MTA3: variants seen among roughly 807,000 people sequenced by gnomAD.
MTA3 encodes the protein metastasis-associated protein MTA3.
In MTA3, 34 loss-of-function variants were observed where a neutral mutation model predicts 83.5. That is an observed-to-expected ratio of 0.41 (90% CI 0.31 to 0.54). The LOEUF (loss-of-function observed/expected upper bound fraction) is 0.54. MTA3 is among the 20% of genes least tolerant of loss of function. The pLI is 0.33. For missense variants in MTA3, 761 were observed against 726.4 expected (o/e 1.05, Z -0.55); for synonymous variants, 303 against 252.7 (o/e 1.20, Z -1.89).
upstream of MTA3, among the ~76,000 whole-genome samples, chr2:42,567,617 TG>T: frequency 6.6e-6 from 1 of 151,738 alleles, no homozygotes; most frequent in African/African-American, 2.4e-5. Flanking sequence ...TGTGTTCATT[TG>T]GGGGATCGCC....
intron 4 of MTA3, 137 bp downstream of exon 4, chr2:42,609,721 G>A (rs1185148999): frequency 3.0e-6 from 3 of 997,750 alleles, no homozygotes; most frequent in Admixed American, 2.8e-5. Flanking sequence ...GGAATTTTAG[G>A]TTGGAAATTT....
At chr2:42,546,290 T>A (rs1195001266) in intron 2 of MTA3, among the ~76,000 whole-genome samples, 1 of 151,918 alleles carries the variant, frequency 6.6e-6, no homozygotes, top group African/African-American at 2.4e-5. Flanking sequence ...CCAGGAGAAA[T>A]TAGTGGAGGG....
rs192777694 is a variant in MTA3 at position 42,621,523 on chromosome 2, C to T, written c.317+11939C>T. The stretch of plus-strand genomic sequence containing the variant: ...CAGAACAAAATGGAGTCTCCTATGT[C>T]TACTTCTTTCTACACAGACACAGCA... On this transcript the variant is annotated intron_variant, in intron 4 of 16. Transcript: ENST00000405094. Among the ~76,000 whole-genome samples the T allele has an allele frequency of 1.5e-4, 23 of 152,366 alleles. No individual in the cohort carries two copies. The East Asian group carries it at 4.4e-3, about 29-fold the overall frequency.
intron 2 of MTA3, among the ~76,000 whole-genome samples, chr2:42,519,772 G>A (rs772004580): frequency 4.6e-5 from 7 of 151,808 alleles, no homozygotes; most frequent in Non-Finnish European, 8.8e-5. Context: ...AACCAGGGCC[G>A]GTTACGGTGG....
At chr2:42,597,682 C>CTA (rs1356177655) in intron 3 of MTA3, among the ~76,000 whole-genome samples, 2 of 54,252 alleles carry the variant, frequency 3.7e-5, no homozygotes, top group African/African-American at 2.1e-4. Flanking sequence ...CCTCACCCAC[C>CTA]TGTTTTTTTT....
chr2:42,520,392 C>G (rs1342308660), intron 2 of MTA3, among the ~76,000 whole-genome samples: 1 of 152,156 alleles, frequency 6.6e-6, no homozygotes, highest in Non-Finnish European at 1.5e-5. Context: ...TTGAACTGTA[C>G]CACCATCCAC....
At chr2:42,733,738 A>T (rs548521833) in intron 16 of MTA3, among the ~76,000 whole-genome samples, 2 of 152,042 alleles carry the variant, frequency 1.3e-5, no homozygotes, top group African/African-American at 4.8e-5. Context: ...GACTGAAGCA[A>T]TCCTCCTGAC....
intron 16 of MTA3, among the ~76,000 whole-genome samples, chr2:42,746,174 C>T (rs1006597239): frequency 1.3e-4 from 20 of 152,118 alleles, no homozygotes; most frequent in African/African-American, 4.3e-4. Context: ...GATTTTAATA[C>T]GGTGACACCA....
chr2:42,507,032 G>C (rs534587647), intron 2 of MTA3, among the ~76,000 whole-genome samples: 2 of 152,296 alleles, frequency 1.3e-5, no homozygotes, highest in African/African-American at 4.8e-5. Flanking sequence ...AGCCTCCCGA[G>C]TAGCTGGAGT....
intron 2 of MTA3, among the ~76,000 whole-genome samples, chr2:42,499,703 G>A (rs1439783040): frequency 1.3e-5 from 2 of 151,088 alleles, no homozygotes; most frequent in East Asian, 2.0e-4. Context: ...CAGGAGAATC[G>A]CTTGAACCTG....
chr2:42,605,766 C>G (rs1683244262), intron 3 of MTA3, among the ~76,000 whole-genome samples: 1 of 121,322 alleles, frequency 8.2e-6, no homozygotes, highest in Non-Finnish European at 1.7e-5. Flanking sequence ...CAGAGGGGCT[C>G]CTCACTTCCC....
intron 2 of MTA3, among the ~76,000 whole-genome samples, chr2:42,549,404 T>C (rs1336229054): frequency 1.7e-5 from 2 of 117,030 alleles, no homozygotes; most frequent in Non-Finnish European, 3.2e-5. Flanking sequence ...TATATATACG[T>C]ATATAATATA....
intron 2 of MTA3, among the ~76,000 whole-genome samples, chr2:42,570,738 C>A (rs1039035930): frequency 1.3e-5 from 2 of 151,568 alleles, no homozygotes; most frequent in Non-Finnish European, 2.9e-5. Context: ...TGGCTGGGTG[C>A]GGTGGCTCAT....
intron 16 of MTA3, among the ~76,000 whole-genome samples, chr2:42,733,403 T>C (rs1460600747): frequency 6.6e-6 from 1 of 152,184 alleles, no homozygotes; most frequent in Non-Finnish European, 1.5e-5. Flanking sequence ...ATTACCTCCC[T>C]CTGGGTCCCT....
At chr2:42,745,824 C>CTTTTTTTTTTTTTTTTTTTTTTT (rs146921280) in intron 16 of MTA3, among the ~76,000 whole-genome samples, 1,415 of 118,638 alleles carry the variant, frequency 0.012, 208 homozygotes, top group East Asian at 0.024. Flanking sequence ...AAATAGTCCT[C>CTTTTTTTTTTTTTTTTTTTTTTT]TTTTTTTTGA....
At chr2:42,606,594 G>T (rs1397902503) in intron 3 of MTA3, among the ~76,000 whole-genome samples, 2 of 143,206 alleles carry the variant, frequency 1.4e-5, no homozygotes, top group African/African-American at 2.6e-5. Flanking sequence ...TCACTTTCCA[G>T]ACTGGGCAGC....
At chr2:42,736,324 A>G (rs1405320520) in intron 16 of MTA3, among the ~76,000 whole-genome samples, 1 of 152,072 alleles carries the variant, frequency 6.6e-6, no homozygotes, top group African/African-American at 2.4e-5. Flanking sequence ...GGAGCTGGAG[A>G]AGGGATGATG....
At chr2:42,753,266 C>A (rs1409795921) in intron 16 of MTA3, 108 bp from the exon 17 acceptor site, 1 of 1,531,014 alleles carries the variant, frequency 6.5e-7, no homozygotes, top group African/African-American at 1.4e-5. Flanking sequence ...GCTGAGCCTC[C>A]TTTCCCTGAA....
At chr2:42,615,711 CT>C (rs35331224) in intron 4 of MTA3, among the ~76,000 whole-genome samples, 61 of 59,778 alleles carry the variant, frequency 1.0e-3, no homozygotes, top group African/African-American at 2.6e-3. Context: ...ATAATCTCTT[CT>C]TTTTTTTTTT....
Sources: allele counts gnomAD v4.1 joint callset (sites outside exome capture counted in the v4.1 genomes callset), GRCh38; gene constraint gnomAD v4.1.1; transcripts MANE v1.5; gene names NCBI Gene and HGNC (gene_info 2026-07-23, HGNC 2026-07-21).